DLG2: variants seen among roughly 807,000 people sequenced by gnomAD.
The protein encoded by DLG2 is disks large homolog 2.
In DLG2, 45 loss-of-function variants were observed where a neutral mutation model predicts 132.5. The observed-to-expected ratio is 0.34, with a 90% confidence interval of 0.27 to 0.44. The LOEUF is 0.44. Ranked by LOEUF, DLG2 falls within the 20% of genes least tolerant of loss-of-function variation. DLG2 has a pLI of 1.00. For missense variants in DLG2, 1,045 were observed against 1,196.9 expected, an observed-to-expected ratio of 0.87 and a Z score of 1.87; for synonymous variants, 424 against 419.6, an observed-to-expected ratio of 1.01 and a Z score of -0.13.
At chr11:83,583,204 A>T (rs7130343) in intron 19 of DLG2, among the ~76,000 whole-genome samples, 4,090 of 152,346 alleles carry the variant, frequency 0.027, 140 homozygotes, top group African/African-American at 0.076. Flanking sequence ...AAAGACAAAA[A>T]ATATTCTTTG....
chr11:85,039,673 C>G (rs952174059), intron 6 of DLG2, among the ~76,000 whole-genome samples: 2 of 151,550 alleles, frequency 1.3e-5, no homozygotes, highest in Non-Finnish European at 2.9e-5. Context: ...GCACGAGAAA[C>G]AGGTTACCTA....
At chr11:83,896,367 T>G (rs1444574019) in intron 15 of DLG2, among the ~76,000 whole-genome samples, 2 of 152,252 alleles carry the variant, frequency 1.3e-5, no homozygotes, top group Non-Finnish European at 2.9e-5. Context: ...GTAGCTGGTC[T>G]GCTTAAACAA....
At chr11:84,938,804 G>A (rs1163169256) in intron 6 of DLG2, among the ~76,000 whole-genome samples, 1 of 152,064 alleles carries the variant, frequency 6.6e-6, no homozygotes, top group Non-Finnish European at 1.5e-5. Context: ...AAGGTTATTA[G>A]GGGAAATGCT....
intron 3 of DLG2, among the ~76,000 whole-genome samples, chr11:85,509,041 T>A (rs541133554): frequency 6.6e-6 from 1 of 152,160 alleles, no homozygotes; most frequent in Admixed American, 6.6e-5. Flanking sequence ...TGAATATGGG[T>A]TTTTATTGTG....
chr11:85,010,994 CAAGA>C (rs1380067321), intron 6 of DLG2, among the ~76,000 whole-genome samples: 1 of 152,120 alleles, frequency 6.6e-6, no homozygotes, highest in Non-Finnish European at 1.5e-5. Context: ...GCATTTCAGA[CAAGA>C]AAGAGATTCA....
intron 3 of DLG2, among the ~76,000 whole-genome samples, chr11:85,400,860 C>T (rs1401841755): frequency 1.3e-5 from 2 of 150,986 alleles, no homozygotes; most frequent in Non-Finnish European, 2.9e-5. Flanking sequence ...TGCAGCACAC[C>T]AGCATGGCAC....
At chr11:85,031,947 CTTTTTTTT>C (rs11389028) in intron 6 of DLG2, among the ~76,000 whole-genome samples, 3 of 51,852 alleles carry the variant, frequency 5.8e-5, no homozygotes, top group South Asian at 8.5e-4. Flanking sequence ...TGACAACTGG[CTTTTTTTT>C]TTTTTTTTTT....
intron 3 of DLG2, among the ~76,000 whole-genome samples, chr11:85,490,000 C>A (rs759055160): frequency 6.6e-6 from 1 of 151,980 alleles, no homozygotes; most frequent in Non-Finnish European, 1.5e-5. Flanking sequence ...CTACCTTGGA[C>A]AACAAAGCAA....
chr11:84,761,445 C>T (rs1390305689), intron 6 of DLG2, among the ~76,000 whole-genome samples: 1 of 152,008 alleles, frequency 6.6e-6, no homozygotes, highest in Non-Finnish European at 1.5e-5. Flanking sequence ...GAGGGTGTTG[C>T]CAAAGGAGAT....
At chr11:83,985,846 G>T (rs1177582746) in intron 11 of DLG2, among the ~76,000 whole-genome samples, 1 of 151,944 alleles carries the variant, frequency 6.6e-6, no homozygotes, top group African/African-American at 2.4e-5. Flanking sequence ...ATAATAGAAT[G>T]ATATATATTC....
chr11:83,916,322 T>A (rs2076920217), intron 15 of DLG2, among the ~76,000 whole-genome samples: 1 of 152,114 alleles, frequency 6.6e-6, no homozygotes, highest in Non-Finnish European at 1.5e-5. Flanking sequence ...TTTTTTTGTT[T>A]TTTGTTTTTT....
chr11:84,861,983 CA>C (rs1196493967), intron 6 of DLG2, among the ~76,000 whole-genome samples: 1 of 133,598 alleles, frequency 7.5e-6, no homozygotes. Flanking sequence ...GGGAATTGAA[CA>C]ATGAGAACAC....
At chr11:84,739,632 T>G (rs1013467541) in intron 6 of DLG2, among the ~76,000 whole-genome samples, 2 of 152,178 alleles carry the variant, frequency 1.3e-5, no homozygotes, top group African/African-American at 4.8e-5. Flanking sequence ...GCAGTAAGTA[T>G]ATGATTGAAA....
intron 6 of DLG2, among the ~76,000 whole-genome samples, chr11:84,972,457 C>T (rs913602261): frequency 6.6e-6 from 1 of 152,148 alleles, no homozygotes; most frequent in East Asian, 1.9e-4. Context: ...TCTAAGTTTC[C>T]TTTCTTGATG....
chr11:84,976,820 A>G lies in DLG2; in HGVS notation c.357+134841T>C, dbSNP rs374573036. On this transcript the variant is annotated intron_variant, in intron 6 of 27. Coordinates refer to ENST00000376104, the MANE Select transcript of DLG2 (RefSeq NM_001142699.3). ...CTACTACTAACAGCAATACTCTTAC[A>G]ATTTTTCTATATTTTAATCGATTCT... Among the ~76,000 whole-genome samples, 15 of 152,236 alleles carry G rather than the reference A, an allele frequency of 9.9e-5. No individual in the cohort carries two copies. In the South Asian group the frequency reaches 3.1e-3, roughly 32 times the overall value.
chr11:83,986,998 C>T (rs1396015258), intron 11 of DLG2, among the ~76,000 whole-genome samples: 2 of 152,062 alleles, frequency 1.3e-5, no homozygotes, highest in Admixed American at 6.6e-5. Context: ...AATTTTCTCC[C>T]ATTTTGTAGG....
chr11:84,458,666 C>A (rs1425222762), intron 7 of DLG2, among the ~76,000 whole-genome samples: 4 of 150,542 alleles, frequency 2.7e-5, no homozygotes, highest in African/African-American at 9.7e-5. Context: ...CTATTTTAAA[C>A]ATAGTATTTT....
chr11:85,519,703 G>C (rs1165214540), intron 3 of DLG2, among the ~76,000 whole-genome samples: 1 of 152,126 alleles, frequency 6.6e-6, no homozygotes, highest in African/African-American at 2.4e-5. Flanking sequence ...AGGGGTCAGG[G>C]GTGGAATAAT....
At chr11:84,317,878 G>A (rs752821916) in intron 7 of DLG2, among the ~76,000 whole-genome samples, 1 of 152,098 alleles carries the variant, frequency 6.6e-6, no homozygotes, top group Non-Finnish European at 1.5e-5. Context: ...TTTAAATCAC[G>A]ATTATGCATT....
Sources: gnomAD v4.1 joint callset for allele counts (sites outside exome capture counted in the v4.1 genomes callset) on GRCh38, gnomAD v4.1.1 for gene constraint, MANE v1.5 for transcripts, NCBI Gene and HGNC (gene_info 2026-07-23, HGNC 2026-07-21) for gene names.